Variants in SIDT1 observed in about 807,000 individuals in gnomAD.
SIDT1 encodes the protein SID1 transmembrane family member 1.
Under a neutral mutation model 107.5 loss-of-function variants are expected in SIDT1, and 101 were observed. That is an observed-to-expected ratio of 0.94 (90% CI 0.80 to 1.11). The LOEUF (loss-of-function observed/expected upper bound fraction) is 1.11. SIDT1 is among the 50% of genes least tolerant of loss of function. The pLI is 0.00. For missense variants in SIDT1, 1,076 were observed against 1,058.2 expected, an observed-to-expected ratio of 1.02 and a Z score of -0.23; for synonymous variants, 395 against 398.2, an observed-to-expected ratio of 0.99 and a Z score of 0.10.
At chr3:113,570,198 C>T (rs1030632609) in intron 3 of SIDT1, among the ~76,000 whole-genome samples, 1 of 152,190 alleles carries the variant, frequency 6.6e-6, no homozygotes, top group African/African-American at 2.4e-5. Context: ...AGCAACTGTG[C>T]CTGGCCTAAT....
intron 3 of SIDT1, among the ~76,000 whole-genome samples, chr3:113,576,262 GA>G (rs1438886982): frequency 6.6e-6 from 1 of 152,030 alleles, no homozygotes; most frequent in Non-Finnish European, 1.5e-5. Flanking sequence ...CAATTGAAGA[GA>G]AAAAAACCTC....
rs550543361 is a variant in SIDT1, at chr3:113,575,930, C to T, written c.516-992C>T. 1.9e-4 allele frequency among the ~76,000 whole-genome samples: 29 copies of T among 152,284 alleles called. No homozygotes were observed. The South Asian group carries it at 4.4e-3, about 23-fold the overall frequency. ...AGGGCACATTGGAGGGGCAGGGGCA[C>T]GCACTCCCAGGTGCAGCGTTTCAGC... is the stretch of plus-strand genomic sequence containing the variant. On this transcript the variant is annotated intron_variant, in intron 3 of 24. Coordinates refer to ENST00000264852, the MANE Select transcript of SIDT1 (RefSeq NM_017699.3).
chr3:113,587,612 T>C (rs1197469188), intron 9 of SIDT1, among the ~76,000 whole-genome samples: 2 of 152,234 alleles, frequency 1.3e-5, no homozygotes, highest in Non-Finnish European at 2.9e-5. Flanking sequence ...AAAGAAAGCA[T>C]GGTTCCATTT....
chr3:113,607,492 C>T (rs978682651), intron 15 of SIDT1, among the ~76,000 whole-genome samples: 2 of 152,238 alleles, frequency 1.3e-5, no homozygotes, highest in Non-Finnish European at 2.9e-5. Flanking sequence ...TGAGGATTTG[C>T]TGAAGGTCCC....
intron 10 of SIDT1, among the ~76,000 whole-genome samples, chr3:113,598,523 A>G (rs1378843470): frequency 1.3e-5 from 2 of 152,196 alleles, no homozygotes; most frequent in East Asian, 1.9e-4. Context: ...ACATCAAAAC[A>G]TCATGTTGTA....
rs746517455 is a variant in SIDT1, at chr3:113,612,174, A to G, written c.1946A>G (p.Tyr649Cys). 3 of 1,613,544 alleles carry G rather than the reference A, an allele frequency of 1.9e-6. No homozygotes were observed. In the South Asian group the frequency reaches 3.3e-5, roughly 18 times the overall value. ...ASLALSTQIY[Y>C]MGRFKIDLGI... ...CTAGCCCTCAGCACCCAGATATATT[A>G]TATGGGTCGTTTCAAGATAGGTGAG... is the stretch of plus-strand genomic sequence containing the variant. The change falls in exon 19 of 25, where the codon TAT becomes TGT. Residue 649 changes from tyrosine (Y) to cysteine (C), a missense_variant. Physicochemically the swap from Tyr to Cys is radical, Grantham distance 194. Coordinates refer to ENST00000264852, the MANE Select transcript of SIDT1 (RefSeq NM_017699.3).
At chr3:113,616,077 C>T (rs757773872) in intron 19 of SIDT1, 23 bp from the exon 20 acceptor site, 1 of 1,572,326 alleles carries the variant, frequency 6.4e-7, no homozygotes, top group East Asian at 2.2e-5. Context: ...AGCCTTCTCA[C>T]CATGCATTTG....
intron 1 of SIDT1, among the ~76,000 whole-genome samples, chr3:113,535,252 A>G (rs114036488): frequency 7.0e-4 from 106 of 151,972 alleles, no homozygotes; most frequent in African/African-American, 2.5e-3. Flanking sequence ...CCCACTGGGG[A>G]CAGAGTGATA....
At chr3:113,550,138 A>ATTG (rs1156565908) in intron 1 of SIDT1, among the ~76,000 whole-genome samples, 1 of 152,172 alleles carries the variant, frequency 6.6e-6, no homozygotes, top group African/African-American at 2.4e-5. Context: ...TGCTGCCAGC[A>ATTG]TTGCTAAACT....
At chr3:113,567,780 C>T in intron 3 of SIDT1, 70 bp downstream of exon 3, 2 of 1,464,344 alleles carry the variant, frequency 1.4e-6, no homozygotes, top group Non-Finnish European at 1.9e-6. Flanking sequence ...CATCTTCCAT[C>T]CTTACAGACT....
Position 113,532,838 on chromosome 3 carries a change from G to A in SIDT1, c.-184G>A, listed in dbSNP as rs1937618489. The A allele has an allele frequency of 4.8e-6, 2 of 414,386 alleles. No homozygotes were observed. Among genetic ancestry groups the A allele is most frequent in the South Asian group, 8.9e-5 (1 of 11,238 alleles). 25.7% of individuals were successfully genotyped at this position (414,386 alleles called of 1,614,324 possible). A position where few individuals can be genotyped will look rare whatever the true frequency, so the allele number is the denominator to read the frequency against. ...CCTCCAGTGGAGACCCCAGGCGGCAGCATCAGTATTTGATCGGCCCTTCGT... is the reference window on the plus strand; with the variant it reads ...CCTCCAGTGGAGACCCCAGGCGGCAACATCAGTATTTGATCGGCCCTTCGT... On this transcript the variant is annotated 5_prime_UTR_variant, in exon 1 of 25. Transcript: ENST00000264852.
chr3:113,555,228 T>C (rs928568566), intron 1 of SIDT1, among the ~76,000 whole-genome samples: 2 of 152,210 alleles, frequency 1.3e-5, no homozygotes, highest in Non-Finnish European at 2.9e-5. Flanking sequence ...CTTTTCTGGT[T>C]AATTCCTACT....
chr3:113,544,372 G>A (rs1939324458), intron 1 of SIDT1, among the ~76,000 whole-genome samples: 1 of 152,006 alleles, frequency 6.6e-6, no homozygotes, highest in African/African-American at 2.4e-5. Flanking sequence ...TTGTATTTTA[G>A]TAGAGACTGG....
At chr3:113,604,856 A>G (rs367596009) in intron 13 of SIDT1, 54 bp from the exon 14 acceptor site, 5 of 1,591,594 alleles carry the variant, frequency 3.1e-6, no homozygotes, top group East Asian at 2.2e-5. Flanking sequence ...TATTAACCAA[A>G]GACTCCACTG....
chr3:113,603,058 C>A lies in SIDT1; in HGVS notation c.1171C>A (p.Pro391Thr). 1 of 1,614,104 alleles carries A rather than the reference C, an allele frequency of 6.2e-7. No individual in the cohort carries two copies. Among genetic ancestry groups the A allele is most frequent in the East Asian group, 2.2e-5 (1 of 44,884 alleles). Residue 391 changes from proline to threonine, a missense_variant, in exon 12 of 25, where the codon CCG becomes ACG. Coordinates refer to ENST00000264852, the MANE Select transcript of SIDT1 (RefSeq NM_017699.3). Reference protein sequence around the residue: ...RQMSSSDGGPPGQSDTDSSVE... With the variant: ...RQMSSSDGGPTGQSDTDSSVE... ...GATGTCCTCCTCCGATGGTGGGCCA[C>A]CGGGCCAGTCAGACACAGACAGCTC... is the stretch of plus-strand genomic sequence containing the variant.
intron 23 of SIDT1, 58 bp from the exon 24 acceptor site, chr3:113,626,044 C>A: frequency 8.2e-7 from 1 of 1,214,802 alleles, no homozygotes; most frequent in Non-Finnish European, 1.2e-6. Context: ...GGACGTTCAA[C>A]TCTTTGAACA....
intron 21 of SIDT1, among the ~76,000 whole-genome samples, chr3:113,620,296 C>T (rs1038309569): frequency 6.6e-6 from 1 of 151,558 alleles, no homozygotes; most frequent in African/African-American, 2.4e-5. Flanking sequence ...CCTCTTTCCC[C>T]ATGGCCTTTG....
chr3:113,563,780 C>A (rs1941655788), intron 1 of SIDT1, among the ~76,000 whole-genome samples: 1 of 152,064 alleles, frequency 6.6e-6, no homozygotes, highest in South Asian at 2.1e-4. Flanking sequence ...TGAAAAAATT[C>A]AAACACTATG....
At chr3:113,637,041 G>A in the SIDT1 span, among the ~76,000 whole-genome samples, 183 of 152,258 alleles carry the variant, frequency 1.2e-3, no homozygotes, top group Non-Finnish European at 2.2e-3. Flanking sequence ...CAGGTAACAG[G>A]GGAACAACAC....
Sources: gnomAD v4.1 joint callset for allele counts (sites outside exome capture counted in the v4.1 genomes callset) on GRCh38, gnomAD v4.1.1 for gene constraint, MANE v1.5 for transcripts, NCBI Gene and HGNC (gene_info 2026-07-23, HGNC 2026-07-21) for gene names.